The following VAT1L variants were observed in gnomAD, a reference collection of about 807,000 sequenced individuals.
VAT1L encodes vesicle amine transport 1 like.
Under a neutral mutation model 44.1 loss-of-function variants are expected in VAT1L, and 34 were observed. The ratio of observed to expected loss-of-function variants is 0.77; its 90% CI spans 0.59 to 1.03. VAT1L has a LOEUF of 1.03. Ranked by LOEUF, VAT1L falls within the 50% of genes least tolerant of loss-of-function variation. The probability of loss-of-function intolerance (pLI) is 0.00; values close to 1 mark genes in which losing one functional copy is unlikely to be tolerated. For missense variants in VAT1L, 615 were observed against 538.8 expected, an observed-to-expected ratio of 1.14 and a Z score of -1.40; for synonymous variants, 253 against 202.2, an observed-to-expected ratio of 1.25 and a Z score of -2.13.
intron 7 of VAT1L, among the ~76,000 whole-genome samples, chr16:77,926,545 T>C (rs1218268123): frequency 6.6e-6 from 1 of 152,160 alleles, no homozygotes; most frequent in East Asian, 1.9e-4. Flanking sequence ...GACTGCACCA[T>C]GCACTCCAGC....
intron 7 of VAT1L, among the ~76,000 whole-genome samples, chr16:77,917,022 T>C (rs2017559503): frequency 6.6e-6 from 1 of 152,220 alleles, no homozygotes; most frequent in South Asian, 2.1e-4. Context: ...TCAAAGTTTA[T>C]TATTCATCCA....
intron 7 of VAT1L, among the ~76,000 whole-genome samples, chr16:77,902,834 A>ATGGT (rs1175203258): frequency 6.6e-6 from 1 of 151,898 alleles, no homozygotes; most frequent in African/African-American, 2.4e-5. Context: ...CTAGCTGGGA[A>ATGGT]TGGTTGTCCA....
rs372409404 is a variant in VAT1L at position 77,789,030 on chromosome 16, T to A, written c.233+115T>A. On this transcript the variant is annotated intron_variant, in intron 1 of 8. Coordinates refer to ENST00000302536, the MANE Select transcript of VAT1L (RefSeq NM_020927.3). ...GGGTAGAACCGCCGCGCGCACCCCC[T>A]CCGCGCCCTCACCCGGGTCTCAGAG... 5.6e-6 allele frequency: 7 copies of A among 1,259,320 alleles called. No homozygotes were observed. The African/African-American group carries it at 1.1e-4, about 20-fold the overall frequency. The allele number at this position is 1,259,320 out of a possible 1,614,324, so 78.0% of individuals were successfully genotyped here.
At chr16:77,952,380 C>T (rs1334371438) in intron 7 of VAT1L, among the ~76,000 whole-genome samples, 1 of 152,076 alleles carries the variant, frequency 6.6e-6, no homozygotes, top group East Asian at 1.9e-4. Context: ...GAGCAGGTCC[C>T]TCATGAATGG....
At position 77,893,428 on chromosome 16, in the gene VAT1L, G is replaced by A. The variant is rs570613094; in HGVS notation, c.1077+8626G>A. Among the ~76,000 whole-genome samples, 6 of 152,362 alleles carry A rather than the reference G, an allele frequency of 3.9e-5. No homozygotes were observed. The South Asian group carries it at 6.2e-4, about 16-fold the overall frequency. Reference sequence around the variant, plus strand: ...GCCAGCAATGGCATTTTAGTTAGCAGGGATAGACACTGGTGTGAAAAAGTT... The same window carrying A: ...GCCAGCAATGGCATTTTAGTTAGCAAGGATAGACACTGGTGTGAAAAAGTT... On this transcript the variant is annotated intron_variant, in intron 7 of 8. Coordinates refer to ENST00000302536, the MANE Select transcript of VAT1L (RefSeq NM_020927.3).
chr16:77,941,182 G>A (rs1167317177), intron 7 of VAT1L, among the ~76,000 whole-genome samples: 1 of 152,118 alleles, frequency 6.6e-6, no homozygotes, highest in Non-Finnish European at 1.5e-5. Context: ...CCTGGAATAA[G>A]CAAAAGTCAC....
chr16:77,951,847 A>T (rs1196668247), intron 7 of VAT1L, among the ~76,000 whole-genome samples: 1 of 150,620 alleles, frequency 6.6e-6, no homozygotes, highest in Non-Finnish European at 1.5e-5. Context: ...AATTAAAAAA[A>T]AAAAAACACG....
At chr16:77,936,002 T>A (rs2017791322) in intron 7 of VAT1L, among the ~76,000 whole-genome samples, 1 of 152,160 alleles carries the variant, frequency 6.6e-6, no homozygotes, top group Non-Finnish European at 1.5e-5. Flanking sequence ...TTTTTGACAC[T>A]CCTTAATTTT....
intron 3 of VAT1L, among the ~76,000 whole-genome samples, chr16:77,838,180 C>T (rs538347709): frequency 6.6e-6 from 1 of 152,182 alleles, no homozygotes; most frequent in Non-Finnish European, 1.5e-5. Flanking sequence ...CTGAGAACTC[C>T]AAACACAGGG....
intron 8 of VAT1L, among the ~76,000 whole-genome samples, chr16:77,972,931 C>T (rs2018295973): frequency 6.6e-6 from 1 of 151,928 alleles, no homozygotes; most frequent in East Asian, 1.9e-4. Flanking sequence ...AGCAATCTGC[C>T]TACCTCGGCC....
At chr16:77,919,397 G>A (rs1292577368) in intron 7 of VAT1L, among the ~76,000 whole-genome samples, 1 of 152,226 alleles carries the variant, frequency 6.6e-6, no homozygotes, top group African/African-American at 2.4e-5. Context: ...GAGCTGGAAT[G>A]TGAAGTGTTC....
chr16:77,811,645 T>A (rs924937048), intron 1 of VAT1L, among the ~76,000 whole-genome samples: 2 of 152,110 alleles, frequency 1.3e-5, no homozygotes, highest in Non-Finnish European at 2.9e-5. Flanking sequence ...AAACACTCCA[T>A]CCCTTAATAC....
In VAT1L at chr16:77,946,900, TC is replaced by T. The variant is rs554371405; in HGVS notation, c.1078-24947del. ...AGAATGGCTGAAGTCTGGCTATCCA[TC>T]CCTAGTTGGCCTCTGAGCAGGAATG... On this transcript the variant is annotated intron_variant, in intron 7 of 8. Coordinates refer to ENST00000302536, the MANE Select transcript of VAT1L (RefSeq NM_020927.3). Among the ~76,000 whole-genome samples, 30 of 152,288 alleles carry T rather than the reference TC, an allele frequency of 2.0e-4. No individual in the cohort carries two copies. The East Asian group carries it at 5.2e-3, about 26-fold the overall frequency.
intron 7 of VAT1L, among the ~76,000 whole-genome samples, chr16:77,889,216 T>C (rs1349086538): frequency 1.3e-5 from 2 of 152,176 alleles, no homozygotes; most frequent in African/African-American, 4.8e-5. Flanking sequence ...TTTATTGGGC[T>C]CTCTGAGCCT....
intron 1 of VAT1L, among the ~76,000 whole-genome samples, chr16:77,806,612 G>A (rs1326337704): frequency 1.3e-5 from 2 of 152,182 alleles, no homozygotes; most frequent in Admixed American, 1.3e-4. Flanking sequence ...CAAAGTGTTG[G>A]GATTACAGGC....
chr16:77,838,768 C>G (rs1235185235), intron 3 of VAT1L, among the ~76,000 whole-genome samples: 1 of 151,072 alleles, frequency 6.6e-6, no homozygotes, highest in African/African-American at 2.4e-5. Flanking sequence ...TTCCTTCTCT[C>G]CTTCCTTCCT....
chr16:77,880,998 T>C (rs2017147912), intron 6 of VAT1L, among the ~76,000 whole-genome samples: 1 of 152,202 alleles, frequency 6.6e-6, no homozygotes, highest in Admixed American at 6.5e-5. Context: ...CAGTCCACCA[T>C]TGATGGGCAC....
chr16:77,826,313 A>G (rs2145247542), intron 3 of VAT1L, among the ~76,000 whole-genome samples: 1 of 152,254 alleles, frequency 6.6e-6, no homozygotes, highest in African/African-American at 2.4e-5. Context: ...TACTACTGCT[A>G]TTATTTGAAA....
chr16:77,861,934 T>G (rs557729861), intron 3 of VAT1L, among the ~76,000 whole-genome samples: 3 of 152,358 alleles, frequency 2.0e-5, no homozygotes, highest in African/African-American at 7.2e-5. Flanking sequence ...TTGGCTGCCT[T>G]CTTTTACTGT....
Sources: allele counts gnomAD v4.1 joint callset (sites outside exome capture counted in the v4.1 genomes callset), GRCh38; gene constraint gnomAD v4.1.1; transcripts MANE v1.5; gene names NCBI Gene and HGNC (gene_info 2026-07-23, HGNC 2026-07-21).